EME1: variants seen among roughly 807,000 people sequenced by gnomAD.
EME1 encodes the protein essential meiotic structure-specific endonuclease 1.
EME1 carries 61 observed loss-of-function variants against 59.1 expected under a neutral mutation model. That is an observed-to-expected ratio of 1.03 (90% CI 0.84 to 1.28). The LOEUF (loss-of-function observed/expected upper bound fraction) is 1.28, where lower values mean the gene tolerates loss of function less well. Among genes scored for constraint, EME1 ranks in the 50% most tolerant of loss-of-function variants. EME1 has a pLI of 0.00. For missense variants in EME1, 635 were observed against 682.6 expected (o/e 0.93, Z 0.78); for synonymous variants, 230 against 254.2 (o/e 0.90, Z 0.90).
chr17:50,375,043 G>C (rs566019696), intron 1 of EME1, 142 bp from the exon 2 acceptor site: 1 of 604,812 alleles, frequency 1.7e-6, no homozygotes. Flanking sequence ...GTTCCAGATT[G>C]AATGTGTTGG....
At position 50,379,538 on chromosome 17, in the gene EME1, C is replaced by G; in HGVS notation, c.1317C>G (p.Phe439Leu). 1.9e-6 allele frequency: 3 copies of G among 1,614,200 alleles called. No homozygotes were observed. Among genetic ancestry groups the G allele is most frequent in the Non-Finnish European group, 2.5e-6 (3 of 1,180,036 alleles). ...AGCTGGCCGACTTCACATGCGCATT[C>G]ACAAAGGCTGTGGCTGAGGCGCCCT... ...WKELADFTCA[F>L]TKAVAEAPFK... The change falls in exon 7 of 9, where the codon TTC (phenylalanine) becomes TTG (leucine). Residue 439 changes from phenylalanine (F) to leucine (L), a missense_variant. By Grantham distance (22) the Phe-to-Leu change is conservative. Transcript: ENST00000338165.
rs757450122 is a variant in EME1, at chr17:50,380,395, G to A, written c.1430G>A (p.Gly477Glu). 79 of 1,614,084 alleles carry A rather than the reference G, an allele frequency of 4.9e-5. No homozygotes were observed. The highest frequency in any genetic ancestry group is 6.6e-5 in the Non-Finnish European group (78 of 1,180,046). ...GGVKVDLAGR[G>E]LALVWRRQIQ... ...GTGAAGGTGGACCTTGCTGGCAGGG[G>A]ACTCGCACTAGTCTGGAGGAGACAG... The change falls in exon 8 of 9, where the codon GGA (glycine) becomes GAA (glutamate). Residue 477 changes from glycine to glutamate, a missense_variant. Coordinates refer to ENST00000338165, the MANE Select transcript of EME1 (RefSeq NM_152463.4).
At chr17:50,378,476 A>C in intron 3 of EME1, 119 bp from the exon 4 acceptor site, 1 of 923,984 alleles carries the variant, frequency 1.1e-6, no homozygotes, top group Non-Finnish European at 1.7e-6. Context: ...TCATTCCAGA[A>C]AGGATAATGC....
Position 50,373,275 on chromosome 17 carries a change from C to CA in EME1, c.-26dup, listed in dbSNP as rs1913253687. On this transcript the variant is annotated splice_region_variant and 5_prime_UTR_variant, in exon 1 of 9. Coordinates refer to ENST00000338165, the MANE Select transcript of EME1 (RefSeq NM_152463.4). ...GTTGAAAGAGTGGCGGGAGAAGTTG[C>CA]AGGTGAGCGTCCCCGGTCGCAGGCC... 6.6e-7 allele frequency: 1 copy of CA among 1,514,072 alleles called. No homozygotes were observed. Among genetic ancestry groups the CA allele is most frequent in the African/African-American group, 1.4e-5 (1 of 72,338 alleles). The allele number at this position is 1,514,072 out of a possible 1,614,324, so 93.8% of individuals were successfully genotyped here. A position where few individuals can be genotyped will look rare whatever the true frequency, so the allele number is the denominator to read the frequency against.
intron 8 of EME1, 33 bp from the exon 9 acceptor site, chr17:50,380,730 G>A (rs763938333): frequency 6.2e-7 from 1 of 1,612,480 alleles, no homozygotes; most frequent in Non-Finnish European, 8.5e-7. Flanking sequence ...ACCATGGATG[G>A]TACCATATTA....
rs1913842863 is a variant in EME1, at chr17:50,381,460, T to C, written c.*521T>C. ...TCAATAAAGCATTTGTACCAATGGCTCTGGAGCTTGGAGGAAGACTAAAGG... is the reference window on the plus strand; with the variant it reads ...TCAATAAAGCATTTGTACCAATGGCCCTGGAGCTTGGAGGAAGACTAAAGG... On this transcript the variant is annotated 3_prime_UTR_variant, in exon 9 of 9. Coordinates refer to ENST00000338165, the MANE Select transcript of EME1 (RefSeq NM_152463.4). The C allele has an allele frequency of 6.3e-6, 1 of 157,684 alleles. No individual in the cohort carries two copies. Among genetic ancestry groups the C allele is most frequent in the Non-Finnish European group, 1.4e-5 (1 of 70,832 alleles). The allele number at this position is 157,684 out of a possible 1,614,324, so 9.8% of individuals were successfully genotyped here.
In EME1 at chr17:50,381,022, C is replaced by T. The variant is rs896285318; in HGVS notation, c.*83C>T. On this transcript the variant is annotated 3_prime_UTR_variant, in exon 9 of 9. Coordinates refer to ENST00000338165, the MANE Select transcript of EME1 (RefSeq NM_152463.4). Reference sequence around the variant, plus strand: ...AGCCTGACTGTAATGAAGAGACTGGCAGCACCTCCTGGAACACAAGCCTAG... The same window carrying T: ...AGCCTGACTGTAATGAAGAGACTGGTAGCACCTCCTGGAACACAAGCCTAG... The T allele has an allele frequency of 1.4e-6, 2 of 1,479,384 alleles. No homozygotes were observed. The highest frequency in any genetic ancestry group is 1.4e-5 in the African/African-American group (1 of 71,898). 91.6% of individuals were successfully genotyped at this position (1,479,384 alleles called of 1,614,324 possible).
At position 50,375,826 on chromosome 17, in the gene EME1, G is replaced by A; in HGVS notation, c.618G>A (p.Gln206=). Residue 206 remains glutamine (Q), a synonymous_variant, in exon 2 of 9, where the codon CAG becomes CAA. Coordinates refer to ENST00000338165, the MANE Select transcript of EME1 (RefSeq NM_152463.4). ...QKKTKPSQKV[Q]GRGSHGCRQQ... Reference sequence around the variant, plus strand: ...AAACCAAGCCGAGTCAGAAGGTCCAGGGAAGAGGCTCACACGGATGCCGGC... The same window carrying A: ...AAACCAAGCCGAGTCAGAAGGTCCAAGGAAGAGGCTCACACGGATGCCGGC... 6.2e-7 allele frequency: 1 copy of A among 1,614,216 alleles called. No homozygotes were observed. The highest frequency in any genetic ancestry group is 8.5e-7 in the Non-Finnish European group (1 of 1,180,048).
rs1469483008 is a variant in EME1 at position 50,380,459 on chromosome 17, T to G, written c.1494T>G (p.Ser498Arg). 3 of 1,614,034 alleles carry G rather than the reference T, an allele frequency of 1.9e-6. No individual in the cohort carries two copies. The highest frequency in any genetic ancestry group is 2.5e-6 in the Non-Finnish European group (3 of 1,180,044). Residue 498 changes from serine to arginine, a missense_variant, in exon 8 of 9, where the codon AGT becomes AGG. Coordinates refer to ENST00000338165, the MANE Select transcript of EME1 (RefSeq NM_152463.4). ...QLNRVSLEMA[S>R]AVVNAYPSPQ... Reference sequence around the variant, plus strand: ...ACCGAGTCAGCCTGGAAATGGCCAGTGCAGTTGTGAATGCCTATCCCTCCC... The same window carrying G: ...ACCGAGTCAGCCTGGAAATGGCCAGGGCAGTTGTGAATGCCTATCCCTCCC...
In EME1 at chr17:50,380,979, C is replaced by T; in HGVS notation, c.*40C>T. The T allele has an allele frequency of 6.2e-7, 1 of 1,607,434 alleles. No individual in the cohort carries two copies. The highest frequency in any genetic ancestry group is 8.5e-7 in the Non-Finnish European group (1 of 1,175,122). Reference sequence around the variant, plus strand: ...GATGAGGATGAAAAGCTGGAAACTTCCACTTCCCCAACCTCAGAGCCTGAC... The same window carrying T: ...GATGAGGATGAAAAGCTGGAAACTTTCACTTCCCCAACCTCAGAGCCTGAC... On this transcript the variant is annotated 3_prime_UTR_variant, in exon 9 of 9. Coordinates refer to ENST00000338165, the MANE Select transcript of EME1 (RefSeq NM_152463.4).
chr17:50,378,942 G>A (rs1264273182), intron 5 of EME1, 47 bp downstream of exon 5: 9 of 1,613,730 alleles, frequency 5.6e-6, no homozygotes, highest in Admixed American at 5.0e-5. Context: ...GCAGCTCTTG[G>A]GCCAAGGGGG....
chr17:50,375,973 G>T lies in EME1; in HGVS notation c.765G>T (p.Val255=). The part of the protein sequence containing the change: ...PEECLKHIIV[V]LDPVLLQMEG... ...AATGCTTAAAACACATCATTGTAGT[G>T]CTGGATCCAGGTCCTCACATGTGTC... The change falls in exon 2 of 9, where the codon GTG becomes GTT. Residue 255 remains valine, a synonymous_variant. Coordinates refer to ENST00000338165, the MANE Select transcript of EME1 (RefSeq NM_152463.4). The T allele has an allele frequency of 6.2e-7, 1 of 1,605,776 alleles. No individual in the cohort carries two copies. Among genetic ancestry groups the T allele is most frequent in the Non-Finnish European group, 8.5e-7 (1 of 1,174,368 alleles).
rs374070235 is a variant in EME1 at position 50,378,904 on chromosome 17, T to G, written c.1112+9T>G. 31 of 1,614,074 alleles carry G rather than the reference T, an allele frequency of 1.9e-5. No individual in the cohort carries two copies. The African/African-American group carries it at 3.2e-4, about 17-fold the overall frequency. Reference sequence around the variant, plus strand: ...CAGGAGAAATGCTTCAGGTTTGGATTTGCCCTGGTGATTTCATGTTAAAAG... The same window carrying G: ...CAGGAGAAATGCTTCAGGTTTGGATGTGCCCTGGTGATTTCATGTTAAAAG... On this transcript the variant is annotated intron_variant, in intron 5 of 8. Transcript: ENST00000338165.
Position 50,381,027 on chromosome 17 carries a change from C to A in EME1, c.*88C>A, listed in dbSNP as rs75907830. The A allele has an allele frequency of 8.4e-4, 1,209 of 1,431,562 alleles. 10 individuals are homozygous for A. The African/African-American group carries it at 0.015, about 18-fold the overall frequency. The allele number at this position is 1,431,562 out of a possible 1,614,324, so 88.7% of individuals were successfully genotyped here. On this transcript the variant is annotated 3_prime_UTR_variant, in exon 9 of 9. Coordinates refer to ENST00000338165, the MANE Select transcript of EME1 (RefSeq NM_152463.4). ...GACTGTAATGAAGAGACTGGCAGCA[C>A]CTCCTGGAACACAAGCCTAGGTGAG...
chr17:50,379,072 G>C, intron 5 of EME1, 35 bp from the exon 6 acceptor site: 1 of 1,614,046 alleles, frequency 6.2e-7, no homozygotes, highest in Non-Finnish European at 8.5e-7. Flanking sequence ...CTTCAGCCTG[G>C]AGCTGCTGTT....
chr17:50,376,292 G>A, intron 3 of EME1, 99 bp downstream of exon 3: 3 of 1,523,336 alleles, frequency 2.0e-6, no homozygotes, highest in Non-Finnish European at 2.7e-6. Flanking sequence ...GGCCCCAGCA[G>A]GAAGACAGAT....
chr17:50,376,153 C>T lies in EME1; in HGVS notation c.863C>T (p.Pro288Leu), dbSNP rs755917081. ...CRCVIEAQAVPCSVTWRRRAG... is the reference protein window; with the variant it reads ...CRCVIEAQAVLCSVTWRRRAG... ...TGTGTGATTGAGGCGCAGGCTGTGC[C>T]TTGCAGTGTCACTTGGAGGAGAAGG... Residue 288 changes from proline to leucine, a missense_variant, in exon 3 of 9, where the codon CCT (proline) becomes CTT (leucine). Pro to Leu is a moderately conservative substitution (Grantham distance 98). Transcript: ENST00000338165. The T allele has an allele frequency of 1.5e-5, 24 of 1,613,820 alleles. No individual in the cohort carries two copies. Among genetic ancestry groups the T allele is most frequent in the Non-Finnish European group, 1.9e-5 (22 of 1,180,038 alleles).
intron 4 of EME1, 42 bp from the exon 5 acceptor site, chr17:50,378,732 C>T (rs1030204202): frequency 1.2e-6 from 2 of 1,614,046 alleles, no homozygotes; most frequent in Non-Finnish European, 1.7e-6. Context: ...CTGACTCTTA[C>T]TAGGAAGCAA....
intron 5 of EME1, 40 bp downstream of exon 5, chr17:50,378,935 G>A (rs1485013851): frequency 1.9e-6 from 3 of 1,614,054 alleles, no homozygotes; most frequent in Admixed American, 3.3e-5. Flanking sequence ...AAAAGGGGCA[G>A]CTCTTGGGCC....
Sources: gnomAD v4.1 joint callset for allele counts on GRCh38, gnomAD v4.1.1 for gene constraint, MANE v1.5 for transcripts, NCBI Gene and HGNC (gene_info 2026-07-23, HGNC 2026-07-21) for gene names.